NEDD4: variants seen among roughly 807,000 people sequenced by gnomAD.
NEDD4 encodes E3 ubiquitin-protein ligase NEDD4.
In NEDD4, 99 loss-of-function variants were observed where a neutral mutation model predicts 144.9. The observed-to-expected ratio is 0.68, with a 90% CI of 0.58 to 0.81. NEDD4 has a LOEUF of 0.81. NEDD4 is among the 30% of genes least tolerant of loss of function. The pLI is 0.00. For missense variants in NEDD4, 985 were observed against 1,065.9 expected (o/e 0.92, Z 1.06); for synonymous variants, 318 against 350.6 (o/e 0.91, Z 1.04).
chr15:55,929,586 G>A (rs1203912074), intron 4 of NEDD4, among the ~76,000 whole-genome samples: 2 of 152,032 alleles, frequency 1.3e-5, no homozygotes, highest in Admixed American at 6.6e-5. Context: ...ACATGTGGTG[G>A]TTGGTTTTCT....
intron 5 of NEDD4, among the ~76,000 whole-genome samples, chr15:55,883,875 G>T (rs1178326238): frequency 7.8e-6 from 1 of 128,378 alleles, no homozygotes; most frequent in Non-Finnish European, 1.6e-5. Flanking sequence ...CCACCAAAGT[G>T]GCACTTCTTT....
intron 5 of NEDD4, among the ~76,000 whole-genome samples, chr15:55,904,251 C>T (rs1346558039): frequency 6.6e-6 from 1 of 152,144 alleles, no homozygotes; most frequent in Non-Finnish European, 1.5e-5. Context: ...TTAAACTCTA[C>T]TAGAAGGCTG....
At chr15:55,975,827 T>A (rs1254916737) in intron 1 of NEDD4, among the ~76,000 whole-genome samples, 1 of 152,178 alleles carries the variant, frequency 6.6e-6, no homozygotes, top group Non-Finnish European at 1.5e-5. Context: ...GCCAAAGTCA[T>A]CCTGAGCAAA....
At chr15:55,898,677 C>G (rs1056807844) in intron 5 of NEDD4, among the ~76,000 whole-genome samples, 2 of 139,220 alleles carry the variant, frequency 1.4e-5, no homozygotes, top group Admixed American at 1.5e-4. Flanking sequence ...TACTTTGTTG[C>G]CCAGGCTAAA....
chr15:55,913,429 C>A (rs2036337288), intron 5 of NEDD4, among the ~76,000 whole-genome samples: 1 of 151,942 alleles, frequency 6.6e-6, no homozygotes, highest in African/African-American at 2.4e-5. Flanking sequence ...TAAAACAAGC[C>A]TTTGATTTAT....
intron 5 of NEDD4, among the ~76,000 whole-genome samples, chr15:55,885,024 CA>C (rs2035335788): frequency 6.6e-6 from 1 of 152,200 alleles, no homozygotes; most frequent in African/African-American, 2.4e-5. Flanking sequence ...TCCCACAGGT[CA>C]GGGGTAAAGA....
chr15:55,838,752 G>T (rs926485790), intron 21 of NEDD4, 148 bp from the exon 22 acceptor site: 6 of 539,740 alleles, frequency 1.1e-5, no homozygotes, highest in Non-Finnish European at 2.0e-5. Flanking sequence ...AAACAAAAAT[G>T]TATGTGTGTA....
In NEDD4 at chr15:55,860,520, G is replaced by A. The variant is rs1453628347; in HGVS notation, c.847C>T (p.Pro283Ser). 1 of 1,613,928 alleles carries A rather than the reference G, an allele frequency of 6.2e-7. No individual in the cohort carries two copies. Among genetic ancestry groups the A allele is most frequent in the Non-Finnish European group, 8.5e-7 (1 of 1,179,998 alleles). ...AAGTTACTTGACGGTGGAGGTGATG[G>A]GAAGGCCTGGTTGCTATACATGGTG... ...EATMYSNQAFPSPPPSSNLDV... is the reference protein window; with the variant it reads ...EATMYSNQAFSSPPPSSNLDV... Residue 283 changes from proline to serine, a missense_variant, in exon 11 of 29, where the codon CCA becomes TCA. By Grantham distance (74) the Pro-to-Ser change is moderately conservative. Coordinates refer to ENST00000435532, the MANE Select transcript of NEDD4 (RefSeq NM_006154.4).
In NEDD4 at chr15:55,993,583, C is replaced by T. The variant is rs1482194738; in HGVS notation, c.-28G>A. 3 of 1,589,250 alleles carry T rather than the reference C, an allele frequency of 1.9e-6. No homozygotes were observed. The highest frequency in any genetic ancestry group is 1.4e-5 in the African/African-American group (1 of 72,294). On this transcript the variant is annotated 5_prime_UTR_variant, in exon 1 of 29. Coordinates refer to ENST00000435532, the MANE Select transcript of NEDD4 (RefSeq NM_006154.4). The stretch of plus-strand genomic sequence containing the variant: ...CCGAACGCTTCCAGCAAACCGGACG[C>T]GCTCGCCCCCGCCCAGGGCAGGCAA...
rs1264138898 is a variant in NEDD4, at chr15:55,853,233, G to A, written c.1027-690C>T. On this transcript the variant is annotated intron_variant, in intron 12 of 28. Coordinates refer to ENST00000435532, the MANE Select transcript of NEDD4 (RefSeq NM_006154.4). ...ATTTTAAATATCTTAAAATGTGCAA[G>A]ATAAAGTGTACAGTACTTCACTTGG... Among the ~76,000 whole-genome samples the A allele has an allele frequency of 3.3e-5, 5 of 152,118 alleles. No homozygotes were observed. In the East Asian group the frequency reaches 9.7e-4, roughly 29 times the overall value.
chr15:55,977,702 G>A (rs1336079041), intron 1 of NEDD4, among the ~76,000 whole-genome samples: 1 of 151,426 alleles, frequency 6.6e-6, no homozygotes, highest in Non-Finnish European at 1.5e-5. Context: ...TCTGAGGGGA[G>A]GGATTCACAA....
rs1009992634 is a variant in NEDD4, at chr15:55,840,672, G to A, written c.1894C>T (p.Leu632Phe). The A allele has an allele frequency of 1.2e-6, 2 of 1,614,040 alleles. No homozygotes were observed. The highest frequency in any genetic ancestry group is 1.7e-5 in the Admixed American group (1 of 60,010). ...CGACCAATAAACTTGAAGTAAGAGA[G>A]GTGATCTTCGTTACACAATCCAGAG... The part of the protein sequence containing the change: ...PNSGLCNEDH[L>F]SYFKFIGRVA... The change falls in exon 20 of 29, where the codon CTC becomes TTC. Residue 632 changes from leucine to phenylalanine, a missense_variant. By Grantham distance (22) the Leu-to-Phe change is conservative. Coordinates refer to ENST00000435532, the MANE Select transcript of NEDD4 (RefSeq NM_006154.4).
chr15:55,854,495 G>A (rs1281052261), intron 12 of NEDD4, among the ~76,000 whole-genome samples: 1 of 152,136 alleles, frequency 6.6e-6, no homozygotes, highest in African/African-American at 2.4e-5. Flanking sequence ...AAAACAGCAT[G>A]CTAAGTGAAA....
At chr15:55,924,173 ATCAGTGTAAAAAGGACAGATTTCC>A (rs1399483134) in intron 5 of NEDD4, among the ~76,000 whole-genome samples, 3 of 152,130 alleles carry the variant, frequency 2.0e-5, no homozygotes, top group Non-Finnish European at 4.4e-5. Context: ...CTCATTCCTT[ATCAGTGTAAAAAGGACAGATTTCC>A]TCTGTAGAAG....
At chr15:55,983,299 T>G (rs1206222327) in intron 1 of NEDD4, among the ~76,000 whole-genome samples, 1 of 145,260 alleles carries the variant, frequency 6.9e-6, no homozygotes, top group Non-Finnish European at 1.5e-5. Flanking sequence ...TGTGTGTGTG[T>G]GCGTGCGCGC....
At chr15:55,910,931 C>A (rs1223963247) in intron 5 of NEDD4, among the ~76,000 whole-genome samples, 1 of 121,898 alleles carries the variant, frequency 8.2e-6, no homozygotes, top group East Asian at 2.6e-4. Context: ...CCTCCATTGC[C>A]CAACTACTTA....
chr15:55,967,556 C>A (rs1205071530), intron 1 of NEDD4, among the ~76,000 whole-genome samples: 2 of 151,354 alleles, frequency 1.3e-5, no homozygotes, highest in South Asian at 2.1e-4. Flanking sequence ...CAGGTGTACA[C>A]TGTACTACTT....
chr15:55,986,621 G>A lies in NEDD4; in HGVS notation c.45+6890C>T, dbSNP rs76373288. 4.5e-4 allele frequency among the ~76,000 whole-genome samples: 53 copies of A among 118,818 alleles called. 2 individuals carry two copies. In the East Asian group the frequency reaches 0.014, roughly 31 times the overall value. The allele number at this position is 118,818 out of a possible 152,430, so 77.9% of individuals were successfully genotyped here. A position where few individuals can be genotyped will look rare whatever the true frequency, so the allele number is the denominator to read the frequency against. ...TTTTTTTTTTGTGAGACGGAGTCTCGCTCCGTCGCCGAGGCTGGAGTGCAG... is the reference window on the plus strand; with the variant it reads ...TTTTTTTTTTGTGAGACGGAGTCTCACTCCGTCGCCGAGGCTGGAGTGCAG... On this transcript the variant is annotated intron_variant, in intron 1 of 28. Coordinates refer to ENST00000435532, the MANE Select transcript of NEDD4 (RefSeq NM_006154.4).
At chr15:55,874,038 A>T in intron 5 of NEDD4, 30 bp from the exon 6 acceptor site, 1 of 1,255,348 alleles carries the variant, frequency 8.0e-7, no homozygotes, top group Non-Finnish European at 1.1e-6. Flanking sequence ...AAATATAATT[A>T]GTAATACGCT....
Sources: gnomAD v4.1 joint callset for allele counts (sites outside exome capture counted in the v4.1 genomes callset) on GRCh38, gnomAD v4.1.1 for gene constraint, MANE v1.5 for transcripts, NCBI Gene and HGNC (gene_info 2026-07-23, HGNC 2026-07-21) for gene names.